NFE2L2: variants seen among roughly 807,000 people sequenced by gnomAD.
NFE2L2 encodes the protein NFE2 like bZIP transcription factor 2.
A neutral mutation model predicts 49.6 loss-of-function variants in NFE2L2; 20 were observed. That is an observed-to-expected ratio of 0.40 (90% confidence interval 0.28 to 0.59). The LOEUF is 0.59. NFE2L2 is among the 20% of genes least tolerant of loss of function. The probability of loss-of-function intolerance (pLI) is 0.40; values close to 1 mark genes in which losing one functional copy is unlikely to be tolerated. For synonymous variants in NFE2L2, 244 were observed against 256.5 expected, an observed-to-expected ratio of 0.95 and a Z score of 0.47; for missense variants, 578 against 714.2, an observed-to-expected ratio of 0.81 and a Z score of 2.17.
intron 2 of NFE2L2, 22 bp from the exon 3 acceptor site, chr2:177,233,361 A>G (rs1005295508): frequency 1.3e-6 from 2 of 1,553,828 alleles, no homozygotes; most frequent in South Asian, 1.1e-5. Flanking sequence ...GAATGACACA[A>G]AGGAAAACAA....
At position 177,234,113 on chromosome 2, in the gene NFE2L2, T is replaced by G. The variant is rs2105458771; in HGVS notation, c.204A>C (p.Lys68Asn). The G allele has an allele frequency of 6.2e-7, 1 of 1,614,212 alleles. No individual in the cohort carries two copies. Among genetic ancestry groups the G allele is most frequent in the East Asian group, 2.2e-5 (1 of 44,890 alleles). Residue 68 changes from lysine (K) to asparagine (N), a missense_variant, in exon 2 of 5, where the codon AAA (lysine) becomes AAC (asparagine). Lys to Asn is a moderately conservative substitution (Grantham distance 94). Coordinates refer to ENST00000397062, the MANE Select transcript of NFE2L2 (RefSeq NM_006164.5). ...RQEQLQKEQEKAFFAQLQLDE... is the reference protein window; with the variant it reads ...RQEQLQKEQENAFFAQLQLDE... ...CTAGTTGTAACTGAGCGAAAAAGGC[T>G]TTCTCTTGCTCCTTTTGGAGTTGTT...
intron 1 of NFE2L2, among the ~76,000 whole-genome samples, chr2:177,248,993 G>A (rs1423638507): frequency 6.6e-6 from 1 of 151,996 alleles, no homozygotes; most frequent in African/African-American, 2.4e-5. Flanking sequence ...AAGGTAGGAG[G>A]ACCACTTGAG....
chr2:177,256,504 A>AAAAT (rs1217965162), intron 1 of NFE2L2, among the ~76,000 whole-genome samples: 2 of 150,992 alleles, frequency 1.3e-5, no homozygotes, highest in African/African-American at 4.9e-5. Flanking sequence ...TCTTGCAAAA[A>AAAAT]AAAAAAAAAA....
chr2:177,261,880 GA>G (rs199784732), intron 1 of NFE2L2, among the ~76,000 whole-genome samples: 1 of 149,042 alleles, frequency 6.7e-6, no homozygotes, highest in African/African-American at 2.5e-5. Flanking sequence ...GAAATTCCCA[GA>G]AAAAAAAATG....
rs35557421 is a variant in NFE2L2, at chr2:177,231,891, CT to C, written c.711del (p.Glu238LysfsTer2). ...AAATGTGGACTACAGTTACCTACTT[CT>C]TTTTCCATTGAGGGTATAGATGAGT... ...HFYSSIPSME[K>X]EVGNCSPHFL... is the part of the protein sequence containing the mutation. On this transcript the variant is annotated frameshift_variant, in exon 5 of 5. Transcript: ENST00000397062. LOFTEE classifies it high-confidence loss of function. The C allele has an allele frequency of 6.2e-7, 1 of 1,614,166 alleles. No homozygotes were observed. The highest frequency in any genetic ancestry group is 8.5e-7 in the Non-Finnish European group (1 of 1,180,010).
chr2:177,233,358 AC>A lies in NFE2L2; in HGVS notation c.313-20del, dbSNP rs1329546540. On this transcript the variant is annotated intron_variant, in intron 2 of 4. Transcript: ENST00000397062. ...GGGCAACCTGATAAAAGGGAATGAC[AC>A]AAAGGAAAACAAAAATGGTTAAATA... The A allele has an allele frequency of 5.1e-6, 8 of 1,578,162 alleles. No homozygotes were observed. The African/African-American group carries it at 5.4e-5, about 11-fold the overall frequency.
At position 177,261,179 on chromosome 2, in the gene NFE2L2, A is replaced by AAAC. The variant is rs1553492153; in HGVS notation, c.45+3352_45+3353insGTT. On this transcript the variant is annotated intron_variant, in intron 1 of 4. Transcript: ENST00000397062. ...GAACAAGACTTCATCTCAAAAAAAA[A>AAAC]AAAAAACAAAAAACAAAAAACAGTC... Among the ~76,000 whole-genome samples the AAAC allele has an allele frequency of 1.8e-3, 272 of 151,478 alleles. 2 individuals are homozygous for AAAC. The highest frequency in any genetic ancestry group is 6.0e-3 in the African/African-American group (247 of 41,258).
chr2:177,260,941 C>A (rs1320743270), intron 1 of NFE2L2, among the ~76,000 whole-genome samples: 2 of 152,044 alleles, frequency 1.3e-5, no homozygotes, highest in Non-Finnish European at 2.9e-5. Flanking sequence ...GAGGCCGAGG[C>A]GGGTGGATCA....
intron 1 of NFE2L2, among the ~76,000 whole-genome samples, chr2:177,243,158 C>A (rs975564544): frequency 5.3e-5 from 8 of 152,206 alleles, no homozygotes; most frequent in South Asian, 4.1e-4. Flanking sequence ...AATGATCCAA[C>A]CCTCCCCACA....
chr2:177,244,996 CTG>C (rs1690073096), intron 1 of NFE2L2, among the ~76,000 whole-genome samples: 2 of 89,022 alleles, frequency 2.2e-5, no homozygotes, highest in Admixed American at 3.4e-4. Flanking sequence ...GAGTGAGACT[CTG>C]TCTCAAAAAA....
chr2:177,255,376 T>C (rs144483619), intron 1 of NFE2L2, among the ~76,000 whole-genome samples: 51 of 152,266 alleles, frequency 3.3e-4, no homozygotes, highest in Non-Finnish European at 5.9e-4. Flanking sequence ...GGTAAAGAAG[T>C]TTCTAACAGA....
intron 2 of NFE2L2, chr2:177,233,587 A>G (rs1217957143): frequency 5.6e-6 from 3 of 531,064 alleles, no homozygotes; most frequent in Non-Finnish European, 9.8e-6. Flanking sequence ...CTCATCGTAG[A>G]TAAAACAGGG....
intron 1 of NFE2L2, among the ~76,000 whole-genome samples, chr2:177,248,915 T>C (rs571466249): frequency 4.9e-4 from 75 of 152,182 alleles, no homozygotes; most frequent in African/African-American, 1.8e-3. Flanking sequence ...AAAATTAGCG[T>C]GGGCCCCTAA....
At chr2:177,237,619 A>G (rs888947320) in intron 1 of NFE2L2, among the ~76,000 whole-genome samples, 3 of 152,198 alleles carry the variant, frequency 2.0e-5, no homozygotes, top group African/African-American at 7.2e-5. Flanking sequence ...CCAGGGTTCA[A>G]GCAGTTCTCT....
chr2:177,235,303 G>C (rs898338225), intron 1 of NFE2L2, among the ~76,000 whole-genome samples: 1 of 151,768 alleles, frequency 6.6e-6, no homozygotes, highest in Admixed American at 6.6e-5. Flanking sequence ...CTGGTGTGGT[G>C]GCGCACACCT....
At chr2:177,254,240 C>A (rs1195019074) in intron 1 of NFE2L2, among the ~76,000 whole-genome samples, 2 of 152,206 alleles carry the variant, frequency 1.3e-5, no homozygotes, top group African/African-American at 4.8e-5. Context: ...GTGAAGGGAT[C>A]TGGACAAGTC....
chr2:177,260,277 C>T (rs898599493), intron 1 of NFE2L2, among the ~76,000 whole-genome samples: 2 of 152,182 alleles, frequency 1.3e-5, no homozygotes, highest in African/African-American at 4.8e-5. Flanking sequence ...TGCTGTGCAA[C>T]ATATTTCAGT....
At position 177,231,401 on chromosome 2, in the gene NFE2L2, C is replaced by T. The variant is rs1397390214; in HGVS notation, c.1202G>A (p.Gly401Glu). ...NGPKTPVHSS[G>E]DMVQPLSPSQ... is the part of the protein sequence containing the mutation. Reference sequence around the variant, plus strand: ...TGGTGACAAGGGTTGTACCATATCCCCAGAAGAATGTACTGGTGTTTTAGG... The same window carrying T: ...TGGTGACAAGGGTTGTACCATATCCTCAGAAGAATGTACTGGTGTTTTAGG... The change falls in exon 5 of 5, where the codon GGG becomes GAG. Residue 401 changes from glycine (G) to glutamate (E), a missense_variant. Around this residue, in one of 3 missense-constraint regions of NFE2L2, gnomAD observed 368 missense variants for 384.6 expected, o/e 0.96. Coordinates refer to ENST00000397062, the MANE Select transcript of NFE2L2 (RefSeq NM_006164.5). The T allele has an allele frequency of 6.2e-7, 1 of 1,614,212 alleles. No homozygotes were observed. The highest frequency in any genetic ancestry group is 1.1e-5 in the South Asian group (1 of 91,086).
chr2:177,243,997 TAAAA>T (rs1207694039), intron 1 of NFE2L2, among the ~76,000 whole-genome samples: 1 of 140,924 alleles, frequency 7.1e-6, no homozygotes. Context: ...CACTTAGCTT[TAAAA>T]AAAAAAAAAA....
Sources: gnomAD v4.1 joint callset for allele counts (sites outside exome capture counted in the v4.1 genomes callset) on GRCh38, gnomAD v4.1.1 for gene constraint, gnomAD v4.1.1 regional missense constraint, MANE v1.5 for transcripts, NCBI Gene and HGNC (gene_info 2026-07-23, HGNC 2026-07-21) for gene names.